ZNF804A: variants seen among roughly 807,000 people sequenced by gnomAD.
The protein encoded by ZNF804A is zinc finger protein 804A.
A neutral mutation model predicts 16.5 loss-of-function variants in ZNF804A; 2 were observed. The ratio of observed to expected loss-of-function variants is 0.12; its 90% CI spans 0.05 to 0.38. The LOEUF is 0.38. Ranked by LOEUF, ZNF804A falls within the 10% of genes least tolerant of loss-of-function variation. The pLI is 0.99. For synonymous variants in ZNF804A, 534 were observed against 489.6 expected, an observed-to-expected ratio of 1.09 and a Z score of -1.20; for missense variants, 1,473 against 1,390.7, an observed-to-expected ratio of 1.06 and a Z score of -0.94.
chr2:184,913,470 A>C (rs1685395382), intron 2 of ZNF804A, among the ~76,000 whole-genome samples: 1 of 152,082 alleles, frequency 6.6e-6, no homozygotes, highest in South Asian at 2.1e-4. Context: ...CAACTCCCTC[A>C]GCTCTTGTTT....
chr2:184,648,193 T>A (rs12998346), intron 1 of ZNF804A, among the ~76,000 whole-genome samples: 2 of 152,164 alleles, frequency 1.3e-5, no homozygotes, highest in African/African-American at 2.4e-5. Context: ...ATTAAAATCT[T>A]TTCCAACCAA....
intron 2 of ZNF804A, among the ~76,000 whole-genome samples, chr2:184,920,478 C>G (rs146098357): frequency 6.6e-6 from 1 of 152,138 alleles, no homozygotes; most frequent in Admixed American, 6.5e-5. Context: ...CTTCTCAATG[C>G]GGACCTCTAT....
intron 1 of ZNF804A, among the ~76,000 whole-genome samples, chr2:184,765,075 G>C (rs574918170): frequency 1.3e-5 from 2 of 152,130 alleles, no homozygotes; most frequent in Non-Finnish European, 2.9e-5. Flanking sequence ...GCCAGATTCT[G>C]AACTGTCTTT....
intron 2 of ZNF804A, chr2:184,902,150 G>C (rs1685195208): frequency 6.4e-6 from 1 of 156,490 alleles, no homozygotes; most frequent in Non-Finnish European, 1.4e-5. Context: ...AACAATCATT[G>C]TCAGGAGCCA....
chr2:184,862,832 T>C (rs531681794), intron 1 of ZNF804A, among the ~76,000 whole-genome samples: 1 of 152,254 alleles, frequency 6.6e-6, no homozygotes, highest in East Asian at 1.9e-4. Flanking sequence ...TATTTTTAAA[T>C]ATTAGAGAAT....
intron 1 of ZNF804A, among the ~76,000 whole-genome samples, chr2:184,684,713 C>G (rs1055045947): frequency 2.0e-5 from 3 of 152,162 alleles, no homozygotes; most frequent in African/African-American, 7.2e-5. Context: ...ATTTCCCTCC[C>G]TCCCTCCCTG....
intron 2 of ZNF804A, among the ~76,000 whole-genome samples, chr2:184,921,712 T>C (rs1235161369): frequency 2.6e-5 from 4 of 152,154 alleles, no homozygotes; most frequent in African/African-American, 9.7e-5. Flanking sequence ...TCAAAAATAC[T>C]AGGAGTTACT....
At chr2:184,618,300 T>C (rs191070464) in intron 1 of ZNF804A, among the ~76,000 whole-genome samples, 1 of 152,158 alleles carries the variant, frequency 6.6e-6, no homozygotes, top group African/African-American at 2.4e-5. Context: ...TTATTGCCTA[T>C]TTATTAACTT....
chr2:184,794,594 G>A (rs1294760765), intron 1 of ZNF804A, among the ~76,000 whole-genome samples: 7 of 151,628 alleles, frequency 4.6e-5, no homozygotes, highest in Non-Finnish European at 1.0e-4. Flanking sequence ...TTTAAAGAAA[G>A]ACAAAAAAAC....
Position 184,938,732 on chromosome 2 carries a change from T to TGCAGCTGCAGCC in ZNF804A, c.3347_3358dup (p.Ala1116_Ala1119dup), listed in dbSNP as rs754346637. 9 of 1,607,264 alleles carry TGCAGCTGCAGCC rather than the reference T, an allele frequency of 5.6e-6. No homozygotes were observed. The highest frequency in any genetic ancestry group is 4.5e-5 in the East Asian group (2 of 44,700). ...AGCAGCACGCTGCAGCTGCTGCAGCTGCAGCTGCAGCCGCAGCTGCAGGAA... is the reference window on the plus strand; with the variant it reads ...AGCAGCACGCTGCAGCTGCTGCAGCTGCAGCTGCAGCCGCAGCTGCAGCCGCAGCTGCAGGAA... On this transcript the variant is annotated inframe_insertion, in exon 4 of 4. Coordinates refer to ENST00000302277, the MANE Select transcript of ZNF804A (RefSeq NM_194250.2).
At chr2:184,848,384 G>A (rs1263312043) in intron 1 of ZNF804A, among the ~76,000 whole-genome samples, 1 of 151,996 alleles carries the variant, frequency 6.6e-6, no homozygotes, top group Non-Finnish European at 1.5e-5. Flanking sequence ...ATATAGCTAT[G>A]AGACTCCAAT....
At chr2:184,798,374 A>G (rs1694671115) in intron 1 of ZNF804A, among the ~76,000 whole-genome samples, 1 of 151,810 alleles carries the variant, frequency 6.6e-6, no homozygotes, top group Admixed American at 6.6e-5. Context: ...AGGAACACCA[A>G]TTATTCATAA....
At chr2:184,622,623 A>G (rs1322086652) in intron 1 of ZNF804A, among the ~76,000 whole-genome samples, 1 of 151,944 alleles carries the variant, frequency 6.6e-6, no homozygotes, top group East Asian at 1.9e-4. Context: ...GTCGATTTCA[A>G]TAATACTGAC....
intron 2 of ZNF804A, among the ~76,000 whole-genome samples, chr2:184,932,407 C>A (rs1397374471): frequency 6.6e-6 from 1 of 152,116 alleles, no homozygotes; most frequent in African/African-American, 2.4e-5. Flanking sequence ...AGCAAAGTCA[C>A]GTCTTACATG....
intron 1 of ZNF804A, among the ~76,000 whole-genome samples, chr2:184,691,105 A>T (rs1198615347): frequency 6.6e-6 from 1 of 151,980 alleles, no homozygotes; most frequent in Non-Finnish European, 1.5e-5. Flanking sequence ...TTTATGCACA[A>T]CACTTTTGTG....
intron 1 of ZNF804A, among the ~76,000 whole-genome samples, chr2:184,819,869 G>C (rs1202360552): frequency 6.6e-6 from 1 of 151,780 alleles, no homozygotes; most frequent in Non-Finnish European, 1.5e-5. Context: ...ATGAATCAGG[G>C]AGAAATTGAA....
chr2:184,631,874 G>C (rs1018020846), intron 1 of ZNF804A, among the ~76,000 whole-genome samples: 4 of 152,160 alleles, frequency 2.6e-5, no homozygotes, highest in Non-Finnish European at 5.9e-5. Flanking sequence ...ATGAACCTTT[G>C]ATGTAGGACA....
chr2:184,740,012 A>G (rs1230707128), intron 1 of ZNF804A, among the ~76,000 whole-genome samples: 1 of 151,418 alleles, frequency 6.6e-6, no homozygotes, highest in Non-Finnish European at 1.5e-5. Context: ...AAGATTTATC[A>G]CTTGTTTTTC....
chr2:184,900,149 T>C (rs1355031329), intron 2 of ZNF804A, among the ~76,000 whole-genome samples: 1 of 152,152 alleles, frequency 6.6e-6, no homozygotes, highest in Non-Finnish European at 1.5e-5. Context: ...TCAGCTCTGA[T>C]TCTCTGCAAA....
Sources: gnomAD v4.1 joint callset for allele counts (sites outside exome capture counted in the v4.1 genomes callset) on GRCh38, gnomAD v4.1.1 for gene constraint, MANE v1.5 for transcripts, NCBI Gene and HGNC (gene_info 2026-07-23, HGNC 2026-07-21) for gene names.